CFAP46: variants seen among roughly 807,000 people sequenced by gnomAD.
CFAP46 encodes the protein cilia- and flagella-associated protein 46.
In CFAP46, 245 loss-of-function variants were observed where a neutral mutation model predicts 325.7. The observed-to-expected ratio is 0.75, with a 90% CI of 0.68 to 0.84. The LOEUF (loss-of-function observed/expected upper bound fraction) is 0.84. Ranked by LOEUF, CFAP46 falls within the 40% of genes least tolerant of loss-of-function variation. CFAP46 has a pLI of 0.00. For missense variants in CFAP46, 3,346 were observed against 3,543.0 expected (o/e 0.94, Z 1.41); for synonymous variants, 1,523 against 1,495.9 (o/e 1.02, Z -0.42).
chr10:132,815,580 G>A (rs71481957), intron 50 of CFAP46, among the ~76,000 whole-genome samples: 5,558 of 152,306 alleles, frequency 0.036, 180 homozygotes, highest in African/African-American at 0.091. Flanking sequence ...TTTCCCCTGC[G>A]CTGACTGAAA....
At chr10:132,822,678 CTG>C (rs1302547660) in intron 50 of CFAP46, among the ~76,000 whole-genome samples, 14 of 115,080 alleles carry the variant, frequency 1.2e-4, no homozygotes, top group South Asian at 3.2e-4. Flanking sequence ...CTTGTGTGTG[CTG>C]TGTGTGCTGA....
Position 132,834,140 on chromosome 10 carries a change from A to C in CFAP46, c.6867-17T>G. On this transcript the variant is annotated splice_polypyrimidine_tract_variant and intron_variant, in intron 48 of 57. Coordinates refer to ENST00000368586, the MANE Select transcript of CFAP46 (RefSeq NM_001200049.3). ...GTCTGCACTCTGAAAGTCAGGTTAT[A>C]TATTCGGGTTTAAGAAACAGAGATA... The C allele has an allele frequency of 6.2e-7, 1 of 1,613,098 alleles. No homozygotes were observed. Among genetic ancestry groups the C allele is most frequent in the South Asian group, 1.1e-5 (1 of 91,020 alleles).
At position 132,847,250 on chromosome 10, in the gene CFAP46, G is replaced by A; in HGVS notation, c.6024C>T (p.Ser2008=). 1 of 1,613,406 alleles carries A rather than the reference G, an allele frequency of 6.2e-7. No individual in the cohort carries two copies. The highest frequency in any genetic ancestry group is 8.5e-7 in the Non-Finnish European group (1 of 1,179,954). Residue 2008 remains serine (S), a synonymous_variant, in exon 42 of 58, where the codon AGC becomes AGT. Transcript: ENST00000368586. This position sits in a 1 kb window ranked among gnomAD's most constrained non-coding sequence, Gnocchi z 5.2. ...EVEEEGATKS[S]RDPPASRAAP... The stretch of plus-strand genomic sequence containing the variant: ...CTGCCCTGGAGGCCGGCGGGTCCCT[G>A]CTGGACTTTGTGGCACCCTCTTCCT...
intron 25 of CFAP46, among the ~76,000 whole-genome samples, chr10:132,891,651 A>G (rs1849255681): frequency 6.6e-6 from 1 of 152,122 alleles, no homozygotes; most frequent in Non-Finnish European, 1.5e-5. Context: ...GAGCCAGGGG[A>G]GAATTAACCA....
At chr10:132,931,104 C>T (rs1478827959) in intron 8 of CFAP46, among the ~76,000 whole-genome samples, 4 of 85,960 alleles carry the variant, frequency 4.7e-5, no homozygotes, top group Non-Finnish European at 2.3e-5. Flanking sequence ...CCCACACTCC[C>T]CACGCAGAGC....
At chr10:132,837,194 C>T (rs1848266100) in intron 44 of CFAP46, 1 of 442,016 alleles carries the variant, frequency 2.3e-6, no homozygotes, top group Non-Finnish European at 4.1e-6. Flanking sequence ...ACGCAAAGTG[C>T]ATGTTCACCA....
chr10:132,897,305 A>G (rs531350332), intron 24 of CFAP46, among the ~76,000 whole-genome samples: 2 of 152,328 alleles, frequency 1.3e-5, no homozygotes, highest in Non-Finnish European at 2.9e-5. Context: ...GCATGATCAA[A>G]TGAGTGAAAA....
At chr10:132,835,053 G>T (rs1394007568) in intron 47 of CFAP46, among the ~76,000 whole-genome samples, 1 of 152,210 alleles carries the variant, frequency 6.6e-6, no homozygotes, top group African/African-American at 2.4e-5. Context: ...GCTCTGCGGA[G>T]CAGAGTGGAC....
intron 45 of CFAP46, 52 bp downstream of exon 45, chr10:132,836,765 T>C (rs1428747511): frequency 1.1e-5 from 16 of 1,494,446 alleles, no homozygotes; most frequent in Non-Finnish European, 1.5e-5. Flanking sequence ...TCTGCCTCCC[T>C]GAGGCCTCTC....
rs1209394531 is a variant in CFAP46 at position 132,922,764 on chromosome 10, G to A, written c.1257-56C>T. ...GGCGGCGCTGCGCCTCTGTCAGGCT[G>A]GGGTCACACCCTCCAGAGGAAGGCC... On this transcript the variant is annotated intron_variant, in intron 11 of 57. Transcript: ENST00000368586. 2.7e-5 allele frequency: 38 copies of A among 1,389,674 alleles called. 1 individual carries two copies. The East Asian group carries it at 9.3e-4, about 34-fold the overall frequency. The allele number at this position is 1,389,674 out of a possible 1,614,324, so 86.1% of individuals were successfully genotyped here.
At chr10:132,858,977 G>C in intron 38 of CFAP46, 94 bp downstream of exon 38, 1 of 1,349,482 alleles carries the variant, frequency 7.4e-7, no homozygotes. Flanking sequence ...GGTGCAGCCG[G>C]GGTGAGCCAG....
chr10:132,839,276 G>A lies in CFAP46; in HGVS notation c.6439-2362C>T, dbSNP rs549988053. 3.9e-5 allele frequency among the ~76,000 whole-genome samples: 6 copies of A among 152,270 alleles called. No homozygotes were observed. The East Asian group carries it at 5.8e-4, about 15-fold the overall frequency. On this transcript the variant is annotated intron_variant, in intron 44 of 57. Transcript: ENST00000368586. ...TCTCCCGTGGCCACAGGGGGGTGGC[G>A]CAGCCCCAGGTCCCCACAAGGGACA...
rs996230828 is a variant in CFAP46, at chr10:132,847,757, T to A, written c.5953-436A>T. Reference sequence around the variant, plus strand: ...CTGAGACACAAGCCCCACCTGGGTATAGGAAGCCCTGGCAGCCCCTGAAGA... The same window carrying A: ...CTGAGACACAAGCCCCACCTGGGTAAAGGAAGCCCTGGCAGCCCCTGAAGA... On this transcript the variant is annotated intron_variant, in intron 41 of 57. Transcript: ENST00000368586. The surrounding 1 kb of genome is among the most constrained non-coding windows in gnomAD (Gnocchi z 5.2). 7.2e-5 allele frequency among the ~76,000 whole-genome samples: 11 copies of A among 152,054 alleles called. No homozygotes were observed. The highest frequency in any genetic ancestry group is 1.5e-4 in the Non-Finnish European group (10 of 67,984).
At chr10:132,816,739 C>T (rs961257172) in intron 50 of CFAP46, among the ~76,000 whole-genome samples, 7 of 152,206 alleles carry the variant, frequency 4.6e-5, no homozygotes, top group African/African-American at 1.7e-4. Flanking sequence ...TGTTTAGCAA[C>T]ATCTCGCTAG....
chr10:132,811,958 C>G (rs1415267604), intron 55 of CFAP46, among the ~76,000 whole-genome samples: 1 of 152,242 alleles, frequency 6.6e-6, no homozygotes, highest in African/African-American at 2.4e-5. Context: ...CCCTAAAAGA[C>G]TCCTGTCAAC....
chr10:132,891,658 A>G (rs1394014349), intron 25 of CFAP46, among the ~76,000 whole-genome samples: 3 of 152,162 alleles, frequency 2.0e-5, no homozygotes, highest in Admixed American at 6.5e-5. Flanking sequence ...GGGAGAATTA[A>G]CCAAGAGTCT....
In CFAP46 at chr10:132,919,318, G is replaced by A. The variant is rs747380023; in HGVS notation, c.1855C>T (p.Arg619Ter). Residue 619 changes from arginine (R) to a stop codon, truncating the protein, a stop_gained, in exon 15 of 58, where the codon CGA becomes TGA. Coordinates refer to ENST00000368586, the MANE Select transcript of CFAP46 (RefSeq NM_001200049.3). LOFTEE classifies it high-confidence loss of function. The surrounding 1 kb of genome is among the most constrained non-coding windows in gnomAD (Gnocchi z 9.7). ...NVKVKKLRLRRGKKKRGRDGS... is the reference protein window; with the variant it reads ...NVKVKKLRLR ...ACTCGTGAGGGCGGGTACGAACCTC[G>A]CCGCAGCCTCAACTTCTTCACCTTG... The A allele has an allele frequency of 1.3e-6, 2 of 1,549,494 alleles. No individual in the cohort carries two copies.
chr10:132,921,633 A>T (rs2135604548), intron 13 of CFAP46, among the ~76,000 whole-genome samples: 1 of 152,268 alleles, frequency 6.6e-6, no homozygotes, highest in South Asian at 2.1e-4. Flanking sequence ...CTTTGGAGGT[A>T]ATTTGGGTCA....
rs562230351 is a variant in CFAP46, at chr10:132,924,324, C to T, written c.1256+372G>A. 9.2e-5 allele frequency among the ~76,000 whole-genome samples: 14 copies of T among 152,278 alleles called. No homozygotes were observed. The South Asian group carries it at 2.9e-3, about 32-fold the overall frequency. ...CTGTCACCCCTGAGGACACACCGTG[C>T]TCCTCCCTGACGCTGGGCCCTCTGA... On this transcript the variant is annotated intron_variant, in intron 11 of 57. Coordinates refer to ENST00000368586, the MANE Select transcript of CFAP46 (RefSeq NM_001200049.3).
Sources: allele counts gnomAD v4.1 joint callset (sites outside exome capture counted in the v4.1 genomes callset), GRCh38; gene constraint gnomAD v4.1.1; non-coding constraint Gnocchi (gnomAD v3.1); transcripts MANE v1.5; gene names NCBI Gene and HGNC (gene_info 2026-07-23, HGNC 2026-07-21).